Variants in ZDHHC11 observed in about 807,000 individuals in gnomAD.
ZDHHC11 encodes palmitoyltransferase ZDHHC11.
ZDHHC11 carries 44 observed loss-of-function variants against 51.3 expected under a neutral mutation model. The ratio of observed to expected loss-of-function variants is 0.86; its 90% CI spans 0.67 to 1.10. The LOEUF (loss-of-function observed/expected upper bound fraction) is 1.10. Among genes scored for constraint, ZDHHC11 ranks in the 50% least tolerant of loss-of-function variants. ZDHHC11 has a pLI of 0.00. For synonymous variants in ZDHHC11, 163 were observed against 222.0 expected, an observed-to-expected ratio of 0.73 and a Z score of 2.36; for missense variants, 400 against 537.7, an observed-to-expected ratio of 0.74 and a Z score of 2.53.
chr5:850,741 G>C lies in ZDHHC11; in HGVS notation c.-139C>G. The C allele has an allele frequency of 9.3e-7, 1 of 1,071,656 alleles. No homozygotes were observed. Among genetic ancestry groups the C allele is most frequent in the South Asian group, 1.6e-5 (1 of 63,934 alleles). The allele number at this position is 1,071,656 out of a possible 1,614,324, so 66.4% of individuals were successfully genotyped here. A position where few individuals can be genotyped will look rare whatever the true frequency, so the allele number is the denominator to read the frequency against. The stretch of plus-strand genomic sequence containing the variant: ...CAGCCAATGGCCCAGCACTGCCTGG[G>C]GCCACGTTCCCCGCAGAGGGAGCAG... On this transcript the variant is annotated 5_prime_UTR_variant, in exon 1 of 13. Coordinates refer to ENST00000283441, the MANE Select transcript of ZDHHC11 (RefSeq NM_024786.3).
chr5:815,397 T>G (rs192580546), intron 10 of ZDHHC11, among the ~76,000 whole-genome samples: 3 of 151,130 alleles, frequency 2.0e-5, no homozygotes, highest in South Asian at 2.1e-4. Context: ...GTGCTCTTGG[T>G]TAAGAACCTG....
At chr5:805,852 C>G (rs1739169116) in intron 11 of ZDHHC11, among the ~76,000 whole-genome samples, 1 of 151,194 alleles carries the variant, frequency 6.6e-6, no homozygotes, top group South Asian at 2.1e-4. Flanking sequence ...CTCCCGGGCC[C>G]TGAGATATGG....
At position 850,705 on chromosome 5, in the gene ZDHHC11, ACCAGCACTGACAGCCAATGGC is replaced by A. The variant is rs1747074369; in HGVS notation, c.-124_-104del. 1.4e-5 allele frequency: 19 copies of A among 1,390,922 alleles called. No individual in the cohort carries two copies. The South Asian group carries it at 1.6e-4, about 11-fold the overall frequency. 86.2% of individuals were successfully genotyped at this position (1,390,922 alleles called of 1,614,324 possible). Reference sequence around the variant, plus strand: ...GGGGACTGGGAATGCAGCCGCCAGGACCAGCACTGACAGCCAATGGCCCAGCACTGCCTGGGGCCACGTTCC... The same window carrying A: ...GGGGACTGGGAATGCAGCCGCCAGGACCAGCACTGCCTGGGGCCACGTTCC... On this transcript the variant is annotated 5_prime_UTR_variant, in exon 1 of 13. Transcript: ENST00000283441.
At chr5:809,434 G>T (rs1739795373) in intron 11 of ZDHHC11, among the ~76,000 whole-genome samples, 1 of 148,330 alleles carries the variant, frequency 6.7e-6, no homozygotes, top group South Asian at 2.1e-4. Flanking sequence ...CCGGATGACA[G>T]GATTCGTGAG....
intron 4 of ZDHHC11, chr5:841,900 C>T: frequency 1.0e-6 from 1 of 989,510 alleles, no homozygotes. Flanking sequence ...CTCTCTGGAA[C>T]TGGTGGCCTC....
At chr5:834,428 C>T (rs1204964776) in intron 6 of ZDHHC11, among the ~76,000 whole-genome samples, 2 of 152,278 alleles carry the variant, frequency 1.3e-5, no homozygotes, top group Non-Finnish European at 2.9e-5. Context: ...TCTTGCTTGG[C>T]CTCCCAAAGC....
chr5:855,474 C>A (rs1207734200), upstream of ZDHHC11, among the ~76,000 whole-genome samples: 2 of 146,372 alleles, frequency 1.4e-5, no homozygotes, highest in Admixed American at 1.4e-4. Flanking sequence ...GGACAGTGAG[C>A]AGCGGGGACA....
At chr5:821,737 TG>T in intron 9 of ZDHHC11, 123 bp downstream of exon 9, 1 of 999,326 alleles carries the variant, frequency 1.0e-6, no homozygotes, top group Non-Finnish European at 1.5e-6. Context: ...TGCCACCTCC[TG>T]GCACTTCAGG....
upstream of ZDHHC11, among the ~76,000 whole-genome samples, chr5:851,803 C>G (rs1185855392): frequency 6.6e-6 from 1 of 152,206 alleles, no homozygotes; most frequent in Non-Finnish European, 1.5e-5. Flanking sequence ...CGCCTGTAAT[C>G]CCAGCACTGT....
chr5:803,995 A>G (rs1247469311), intron 11 of ZDHHC11, among the ~76,000 whole-genome samples: 1 of 150,656 alleles, frequency 6.6e-6, no homozygotes, highest in Non-Finnish European at 1.5e-5. Context: ...AGAGCTTGAA[A>G]GGTTTGTTAG....
At chr5:829,052 A>G (rs1456771897) in intron 7 of ZDHHC11, among the ~76,000 whole-genome samples, 14 of 134,194 alleles carry the variant, frequency 1.0e-4, no homozygotes, top group African/African-American at 3.6e-4. Context: ...AGACTGAAAG[A>G]GCACAAACAG....
At chr5:799,189 A>G (rs2150273212) in intron 12 of ZDHHC11, among the ~76,000 whole-genome samples, 1 of 151,732 alleles carries the variant, frequency 6.6e-6, no homozygotes, top group South Asian at 2.1e-4. Flanking sequence ...GAGTGAGTTC[A>G]TGCTCAAGTA....
At chr5:848,835 C>G (rs1378936780) in intron 1 of ZDHHC11, among the ~76,000 whole-genome samples, 175 bp from the exon 2 acceptor site, 1 of 151,728 alleles carries the variant, frequency 6.6e-6, no homozygotes, top group Non-Finnish European at 1.5e-5. Context: ...CCTGCACACC[C>G]AGCCCTGCAC....
At chr5:855,753 G>GGACA (rs1748137197), upstream of ZDHHC11, among the ~76,000 whole-genome samples, 1 of 149,216 alleles carries the variant, frequency 6.7e-6, no homozygotes. Context: ...ACCCCACAGA[G>GGACA]GACAGCGAGC....
At chr5:816,476 C>G in intron 10 of ZDHHC11, 1 of 491,490 alleles carries the variant, frequency 2.0e-6, no homozygotes. Flanking sequence ...AGTGATATGC[C>G]TGGAAAAACG....
At chr5:808,754 G>C (rs1739658581) in intron 11 of ZDHHC11, among the ~76,000 whole-genome samples, 1 of 144,536 alleles carries the variant, frequency 6.9e-6, no homozygotes, top group Admixed American at 6.9e-5. Flanking sequence ...CTGGAGTGCA[G>C]TGGCACAATC....
At chr5:854,795 G>C (rs1207279716), upstream of ZDHHC11, among the ~76,000 whole-genome samples, 45 of 107,966 alleles carry the variant, frequency 4.2e-4, no homozygotes, top group South Asian at 1.4e-3. Flanking sequence ...GGACAGTGAG[G>C]AGCGGGGACA....
In ZDHHC11 at chr5:796,144, T is replaced by C. The variant is rs1394009724; in HGVS notation, c.*444A>G. 6.4e-6 allele frequency: 1 copy of C among 157,088 alleles called. No individual in the cohort carries two copies. The highest frequency in any genetic ancestry group is 1.4e-5 in the Non-Finnish European group (1 of 69,674). The allele number at this position is 157,088 out of a possible 1,614,324, so 9.7% of individuals were successfully genotyped here. On this transcript the variant is annotated 3_prime_UTR_variant, in exon 13 of 13. Coordinates refer to ENST00000283441, the MANE Select transcript of ZDHHC11 (RefSeq NM_024786.3). ...CCAGTACTGTGCTCCCATTTCCCAG[T>C]ACTGTGCTCCCATTTCCTAGTACTG...
intron 7 of ZDHHC11, among the ~76,000 whole-genome samples, chr5:827,125 A>ACTATGTTT (rs1247220778): frequency 1.3e-5 from 2 of 149,430 alleles, no homozygotes; most frequent in Non-Finnish European, 3.0e-5. Context: ...ATTCAGCAAA[A>ACTATGTTT]CTATGTTTCC....
Sources: allele counts gnomAD v4.1 joint callset (sites outside exome capture counted in the v4.1 genomes callset), GRCh38; gene constraint gnomAD v4.1.1; transcripts MANE v1.5; gene names NCBI Gene and HGNC (gene_info 2026-07-23, HGNC 2026-07-21).